CLIP2: variants seen among roughly 807,000 people sequenced by gnomAD.
CLIP2 encodes the protein CAP-Gly domain containing linker protein 2.
In CLIP2, 41 loss-of-function variants were observed where a neutral mutation model predicts 111.7. The ratio of observed to expected loss-of-function variants is 0.37; its 90% CI spans 0.29 to 0.48. The LOEUF (loss-of-function observed/expected upper bound fraction) is 0.48. Among genes scored for constraint, CLIP2 ranks in the 20% least tolerant of loss-of-function variants. CLIP2 has a pLI of 0.99. For synonymous variants in CLIP2, 660 were observed against 644.2 expected (o/e 1.02, Z -0.37); for missense variants, 1,160 against 1,422.1 (o/e 0.82, Z 2.96).
chr7:74,329,296 C>T (rs1248647671), intron 2 of CLIP2, among the ~76,000 whole-genome samples: 2 of 151,922 alleles, frequency 1.3e-5, no homozygotes, highest in African/African-American at 4.8e-5. Flanking sequence ...CCTCCCGCCT[C>T]GGCCTCCCAG....
intron 1 of CLIP2, among the ~76,000 whole-genome samples, chr7:74,311,512 C>T (rs1305938265): frequency 6.6e-6 from 1 of 152,172 alleles, no homozygotes; most frequent in Non-Finnish European, 1.5e-5. Context: ...TGCTTATGGG[C>T]TGTTTGTATA....
chr7:74,358,568 CT>C (rs11321496), intron 6 of CLIP2, among the ~76,000 whole-genome samples: 102,794 of 147,940 alleles, frequency 0.69, 36,010 homozygotes, highest in East Asian at 0.82. Context: ...CCTCATCATT[CT>C]TTTTTTTTTT....
At chr7:74,358,430 G>C (rs1463143615) in intron 6 of CLIP2, among the ~76,000 whole-genome samples, 1 of 151,652 alleles carries the variant, frequency 6.6e-6, no homozygotes, top group African/African-American at 2.4e-5. Context: ...TCGAACTCCT[G>C]GCCTCAGGCA....
chr7:74,291,320 C>A (rs1036836329), intron 1 of CLIP2, among the ~76,000 whole-genome samples: 1 of 152,162 alleles, frequency 6.6e-6, no homozygotes, highest in Non-Finnish European at 1.5e-5. Context: ...AAGGTGGTGC[C>A]TGGAATTCTG....
intron 11 of CLIP2, among the ~76,000 whole-genome samples, chr7:74,382,304 C>CT (rs36118816): frequency 0.52 from 36,797 of 71,284 alleles, 10,452 homozygotes; most frequent in East Asian, 0.67. Flanking sequence ...TGGGGCTGGT[C>CT]TTTTTTTTTT....
intron 7 of CLIP2, among the ~76,000 whole-genome samples, chr7:74,363,911 A>T (rs562490576): frequency 6.8e-6 from 1 of 147,124 alleles, no homozygotes; most frequent in Non-Finnish European, 1.5e-5. Context: ...AAAAAAAAAA[A>T]GGGAGGGAGG....
chr7:74,314,653 A>G (rs1469208949), intron 1 of CLIP2, among the ~76,000 whole-genome samples: 1 of 152,166 alleles, frequency 6.6e-6, no homozygotes, highest in African/African-American at 2.4e-5. Context: ...CCATCCGACT[A>G]TGGTGCTCTG....
chr7:74,399,374 CA>C (rs1229812097), intron 14 of CLIP2, among the ~76,000 whole-genome samples: 2 of 151,880 alleles, frequency 1.3e-5, no homozygotes, highest in African/African-American at 4.8e-5. Flanking sequence ...CGCATCTCTA[CA>C]AAAAAAGTTA....
chr7:74,359,588 C>G (rs1230605676), intron 6 of CLIP2, among the ~76,000 whole-genome samples: 1 of 152,084 alleles, frequency 6.6e-6, no homozygotes, highest in African/African-American at 2.4e-5. Flanking sequence ...ATCTCCTGAC[C>G]TTGTGATCCG....
chr7:74,338,353 C>T lies in CLIP2; in HGVS notation c.122-95C>T. The T allele has an allele frequency of 1.5e-6, 2 of 1,328,720 alleles. No homozygotes were observed. The highest frequency in any genetic ancestry group is 2.0e-6 in the Non-Finnish European group (2 of 983,040). The allele number at this position is 1,328,720 out of a possible 1,614,324, so 82.3% of individuals were successfully genotyped here. On this transcript the variant is annotated intron_variant, in intron 2 of 16. Transcript: ENST00000223398. This position sits in a 1 kb window ranked among gnomAD's most constrained non-coding sequence, Gnocchi z 4.3. The stretch of plus-strand genomic sequence containing the variant: ...CCCATCTCTACCCAAAAATACAAAT[C>T]AGCCACCTCCCAACCCTAGACTCTG...
chr7:74,360,302 C>G (rs1554309492), intron 7 of CLIP2, 24 bp downstream of exon 7: 2 of 1,548,020 alleles, frequency 1.3e-6, no homozygotes, highest in African/African-American at 1.4e-5. Context: ...CACCCTCGCC[C>G]TGGCCCTGAG....
intron 7 of CLIP2, among the ~76,000 whole-genome samples, chr7:74,360,732 G>A (rs1487689581): frequency 6.6e-6 from 1 of 152,028 alleles, no homozygotes; most frequent in Non-Finnish European, 1.5e-5. Context: ...TGTATTTTTT[G>A]TAGAGATGGG....
intron 7 of CLIP2, among the ~76,000 whole-genome samples, chr7:74,361,210 T>TTCCTTCCTTCCTTCCTTCCTTCCTCCCCA (rs1790323419): frequency 7.8e-6 from 1 of 128,372 alleles, no homozygotes; most frequent in Non-Finnish European, 1.6e-5. Flanking sequence ...CTTCCTTCCC[T>TTCCTTCCTTCCTTCCTTCCTTCCTCCCCA]CCCTCCCTCC....
At chr7:74,391,092 GA>G (rs1393450727) in intron 13 of CLIP2, among the ~76,000 whole-genome samples, 2 of 152,080 alleles carry the variant, frequency 1.3e-5, no homozygotes, top group African/African-American at 4.8e-5. Flanking sequence ...TATTTACTGG[GA>G]AGAGTGGCAT....
rs1412398812 is a variant in CLIP2, at chr7:74,405,851, A to G, written c.*2003A>G. 1 of 151,844 alleles carries G rather than the reference A, an allele frequency of 6.6e-6. No homozygotes were observed. Among genetic ancestry groups the G allele is most frequent in the Admixed American group, 6.6e-5 (1 of 15,206 alleles). 9.4% of individuals were successfully genotyped at this position (151,844 alleles called of 1,614,324 possible). ...GCCATGTCCCCTCCCCAGGTCCTTC[A>G]TTCACCCCTCCCCTCCCCACAGTGG... is the stretch of plus-strand genomic sequence containing the variant. On this transcript the variant is annotated 3_prime_UTR_variant, in exon 17 of 17. Transcript: ENST00000223398.
At chr7:74,396,374 C>T (rs914502914) in intron 13 of CLIP2, among the ~76,000 whole-genome samples, 8 of 151,820 alleles carry the variant, frequency 5.3e-5, no homozygotes, top group African/African-American at 9.7e-5. Flanking sequence ...TGACCCTGGG[C>T]GACATAGCAA....
intron 7 of CLIP2, among the ~76,000 whole-genome samples, chr7:74,361,176 TTTCC>T (rs61684239): frequency 0.019 from 1,210 of 62,098 alleles, 13 homozygotes; most frequent in African/African-American, 0.046. Context: ...CCCTCCCTTC[TTTCC>T]TTCCTTCCTT....
rs1790766122 is a variant in CLIP2 at position 74,375,982 on chromosome 7, G to T, written c.1581G>T (p.Leu527Phe). 1.9e-6 allele frequency: 3 copies of T among 1,610,956 alleles called. No homozygotes were observed. The highest frequency in any genetic ancestry group is 2.2e-5 in the South Asian group (2 of 90,740). ...GEIEELQQCL[L>F]HSGPPPPDHP... ...TCGAGGAGCTCCAGCAGTGCCTGTT[G>T]CACTCGGGTCCCCCACCTCCGGACC... The change falls in exon 10 of 17, where the codon TTG becomes TTT. Residue 527 changes from leucine to phenylalanine, a missense_variant. Physicochemically the swap from Leu to Phe is conservative, Grantham distance 22 (BLOSUM62 0). This residue lies in a region of CLIP2 where 676 missense variants were observed against 777.8 expected (regional missense o/e 0.87). Coordinates refer to ENST00000223398, the MANE Select transcript of CLIP2 (RefSeq NM_003388.5).
At chr7:74,336,890 G>GTTT (rs57582472) in intron 2 of CLIP2, among the ~76,000 whole-genome samples, 1 of 121,660 alleles carries the variant, frequency 8.2e-6, no homozygotes. Flanking sequence ...TTTTTGTTTT[G>GTTT]TTTTTTTTTT....
Sources: allele counts gnomAD v4.1 joint callset (sites outside exome capture counted in the v4.1 genomes callset), GRCh38; gene constraint gnomAD v4.1.1; regional missense constraint gnomAD v4.1.1; non-coding constraint Gnocchi (gnomAD v3.1); transcripts MANE v1.5; gene names NCBI Gene and HGNC (gene_info 2026-07-23, HGNC 2026-07-21).